SYT9: variants seen among roughly 807,000 people sequenced by gnomAD.
SYT9 encodes the protein synaptotagmin 9.
In SYT9, 22 loss-of-function variants were observed where a neutral mutation model predicts 48.4. The ratio of observed to expected loss-of-function variants is 0.45; its 90% CI spans 0.32 to 0.65. The LOEUF (loss-of-function observed/expected upper bound fraction) is 0.65, where lower values mean the gene tolerates loss of function less well. Among genes scored for constraint, SYT9 ranks in the 30% least tolerant of loss-of-function variants. The probability of loss-of-function intolerance (pLI) is 0.03; values close to 1 mark genes in which losing one functional copy is unlikely to be tolerated. For synonymous variants in SYT9, 265 were observed against 245.0 expected (o/e 1.08, Z -0.76); for missense variants, 577 against 622.0 (o/e 0.93, Z 0.77).
At chr11:7,328,111 A>T (rs866635077) in intron 3 of SYT9, among the ~76,000 whole-genome samples, 2,518 of 149,554 alleles carry the variant, frequency 0.017, 62 homozygotes, top group African/African-American at 0.059. Context: ...TTTAAAAAAA[A>T]TTTTTCTTTT....
At chr11:7,333,919 C>T (rs1849588216) in intron 3 of SYT9, among the ~76,000 whole-genome samples, 1 of 152,186 alleles carries the variant, frequency 6.6e-6, no homozygotes, top group African/African-American at 2.4e-5. Flanking sequence ...GATAGTGAAA[C>T]ATAACATTGC....
intron 6 of SYT9, among the ~76,000 whole-genome samples, chr11:7,449,944 A>G (rs1361073344): frequency 6.6e-6 from 1 of 151,900 alleles, no homozygotes; most frequent in Non-Finnish European, 1.5e-5. Context: ...TGCCCAGCTA[A>G]CTTCTCAACT....
chr11:7,435,431 C>CT (rs1454734546), intron 6 of SYT9: 1 of 152,274 alleles, frequency 6.6e-6, no homozygotes, highest in African/African-American at 2.4e-5. Flanking sequence ...ACAGATGTAG[C>CT]TTCCTTCACT....
At chr11:7,282,293 G>A (rs1004504296) in intron 1 of SYT9, among the ~76,000 whole-genome samples, 2 of 152,098 alleles carry the variant, frequency 1.3e-5, no homozygotes, top group African/African-American at 4.8e-5. Context: ...TTTTGGCTGA[G>A]AGGAAATGCC....
At chr11:7,383,764 T>G (rs1020851048) in intron 3 of SYT9, among the ~76,000 whole-genome samples, 1 of 152,174 alleles carries the variant, frequency 6.6e-6, no homozygotes, top group African/African-American at 2.4e-5. Flanking sequence ...ACTGAGAAAT[T>G]ACATAGTTTA....
chr11:7,420,767 G>C lies in SYT9; in HGVS notation c.1467+132G>C, dbSNP rs1208680246. ...CGGGTTTTCCTGGTTGCATTTCCTG[G>C]GGCTGTTGGGACTTGCATTCAATTT... On this transcript the variant is annotated intron_variant, in intron 6 of 6. Transcript: ENST00000318881. 3 of 1,119,476 alleles carry C rather than the reference G, an allele frequency of 2.7e-6. No individual in the cohort carries two copies. The East Asian group carries it at 7.7e-5, about 29-fold the overall frequency. 69.3% of individuals were successfully genotyped at this position (1,119,476 alleles called of 1,614,324 possible).
At chr11:7,326,779 T>C (rs2133971963) in intron 3 of SYT9, among the ~76,000 whole-genome samples, 1 of 130,000 alleles carries the variant, frequency 7.7e-6, no homozygotes, top group East Asian at 2.2e-4. Context: ...TACCTACAAC[T>C]ATCTGATCTT....
At chr11:7,413,737 T>C (rs1473604061) in intron 3 of SYT9, among the ~76,000 whole-genome samples, 3 of 151,230 alleles carry the variant, frequency 2.0e-5, no homozygotes, top group Non-Finnish European at 4.4e-5. Context: ...TAGAGGCACA[T>C]AGCTGCCTGT....
chr11:7,449,322 CAAAAAAAAAAA>C (rs759372659), intron 6 of SYT9, among the ~76,000 whole-genome samples: 3 of 44,766 alleles, frequency 6.7e-5, no homozygotes, highest in Non-Finnish European at 1.4e-4. Flanking sequence ...GACTCCACCT[CAAAAAAAAAAA>C]AAAAAAAAAA....
chr11:7,342,167 CT>C (rs943512829), intron 3 of SYT9, among the ~76,000 whole-genome samples: 3 of 152,116 alleles, frequency 2.0e-5, no homozygotes, highest in African/African-American at 7.2e-5. Flanking sequence ...CATTCCACCC[CT>C]GGGCCTCTCC....
chr11:7,323,876 ATC>A (rs1441668083), intron 3 of SYT9, among the ~76,000 whole-genome samples: 3 of 127,234 alleles, frequency 2.4e-5, no homozygotes, highest in Non-Finnish European at 5.0e-5. Flanking sequence ...TGTGAGTGAG[ATC>A]AAACTGTGAT....
chr11:7,378,691 A>G (rs1850501072), intron 3 of SYT9, among the ~76,000 whole-genome samples: 1 of 152,088 alleles, frequency 6.6e-6, no homozygotes, highest in African/African-American at 2.4e-5. Flanking sequence ...ATGGTAGAAT[A>G]AAATATTGCC....
chr11:7,335,408 T>A (rs1190008498), intron 3 of SYT9, among the ~76,000 whole-genome samples: 4 of 152,156 alleles, frequency 2.6e-5, no homozygotes, highest in Non-Finnish European at 5.9e-5. Context: ...GATTATTTCT[T>A]CACCTGGGTA....
At chr11:7,331,916 A>G (rs1373296680) in intron 3 of SYT9, among the ~76,000 whole-genome samples, 1 of 152,196 alleles carries the variant, frequency 6.6e-6, no homozygotes, top group African/African-American at 2.4e-5. Flanking sequence ...TTGAAGAGGA[A>G]GTCTGTAACT....
chr11:7,421,325 C>T (rs1847350782), intron 6 of SYT9, among the ~76,000 whole-genome samples: 1 of 152,174 alleles, frequency 6.6e-6, no homozygotes, highest in African/African-American at 2.4e-5. Context: ...TTCTAGGCCA[C>T]AAAAATGTGC....
intron 1 of SYT9, among the ~76,000 whole-genome samples, chr11:7,297,957 T>C (rs1321195182): frequency 6.6e-6 from 1 of 152,218 alleles, no homozygotes; most frequent in Non-Finnish European, 1.5e-5. Context: ...TTTGTGACTT[T>C]CTCTAATCTT....
At chr11:7,441,907 C>T (rs1401145411) in intron 6 of SYT9, among the ~76,000 whole-genome samples, 1 of 152,102 alleles carries the variant, frequency 6.6e-6, no homozygotes, top group Non-Finnish European at 1.5e-5. Flanking sequence ...ATCCCCTTCT[C>T]CCCTGGCAAT....
intron 1 of SYT9, among the ~76,000 whole-genome samples, chr11:7,264,261 G>C (rs1848132237): frequency 6.6e-6 from 1 of 152,068 alleles, no homozygotes; most frequent in Admixed American, 6.5e-5. Flanking sequence ...AATGGATTAG[G>C]GAAGGAAGTG....
chr11:7,410,494 A>T (rs1348580741), intron 3 of SYT9, among the ~76,000 whole-genome samples: 2 of 152,154 alleles, frequency 1.3e-5, no homozygotes, highest in Admixed American at 1.3e-4. Context: ...AGCTCTAGTT[A>T]TATTTGCTTT....
Sources: gnomAD v4.1 joint callset for allele counts (sites outside exome capture counted in the v4.1 genomes callset) on GRCh38, gnomAD v4.1.1 for gene constraint, MANE v1.5 for transcripts, NCBI Gene and HGNC (gene_info 2026-07-23, HGNC 2026-07-21) for gene names.